ZNF536: variants seen among roughly 807,000 people sequenced by gnomAD.
ZNF536 encodes zinc finger protein 536.
Under a neutral mutation model 84.5 loss-of-function variants are expected in ZNF536, and 13 were observed. The observed-to-expected ratio is 0.15, with a 90% CI of 0.10 to 0.24. ZNF536 has a LOEUF of 0.24. ZNF536 is among the 10% of genes least tolerant of loss of function. The probability of loss-of-function intolerance (pLI) is 1.00; values close to 1 mark genes in which losing one functional copy is unlikely to be tolerated. For synonymous variants in ZNF536, 811 were observed against 742.5 expected (o/e 1.09, Z -1.50); for missense variants, 1,536 against 1,747.5 (o/e 0.88, Z 2.16).
At chr19:30,256,511 A>G (rs998804247) in intron 1 of ZNF536, among the ~76,000 whole-genome samples, 1 of 152,264 alleles carries the variant, frequency 6.6e-6, no homozygotes, top group African/African-American at 2.4e-5. Flanking sequence ...TCTAATTTAC[A>G]TGATTACCAA....
At chr19:30,459,278 G>A (rs1007246468) in intron 2 of ZNF536, among the ~76,000 whole-genome samples, 5 of 147,940 alleles carry the variant, frequency 3.4e-5, no homozygotes, top group African/African-American at 1.2e-4. Flanking sequence ...TTTCATTTGG[G>A]TACATCTTTC....
In ZNF536 at chr19:30,228,791, G is replaced by GGGCGGCTT. The variant is rs1340547731; in HGVS notation, c.-190+124_-190+125insTTGGCGGC. 1 of 151,056 alleles carries GGGCGGCTT rather than the reference G, an allele frequency of 6.6e-6. No homozygotes were observed. The highest frequency in any genetic ancestry group is 1.5e-5 in the Non-Finnish European group (1 of 67,714). 9.4% of individuals were successfully genotyped at this position (151,056 alleles called of 1,614,324 possible). ...CTCGCGTGTGGGCGGCTGGGCGGCTGGGCGGCGGGAGGACGGCCTCCGCGG... is the reference window on the plus strand; with the variant it reads ...CTCGCGTGTGGGCGGCTGGGCGGCTGGGCGGCTTGGCGGCGGGAGGACGGCCTCCGCGG... On this transcript the variant is annotated intron_variant, in intron 1 of 5. Transcript: ENST00000585628. This position sits in a 1 kb window ranked among gnomAD's most constrained non-coding sequence, Gnocchi z 4.5.
At chr19:30,262,588 T>C (rs2025285279) in intron 1 of ZNF536, among the ~76,000 whole-genome samples, 1 of 152,154 alleles carries the variant, frequency 6.6e-6, no homozygotes, top group African/African-American at 2.4e-5. Flanking sequence ...TCATCCGTGG[T>C]TGGAGGCTTG....
intron 2 of ZNF536, among the ~76,000 whole-genome samples, chr19:30,341,507 C>G (rs1047408732): frequency 6.6e-6 from 1 of 152,180 alleles, no homozygotes; most frequent in Admixed American, 6.5e-5. Context: ...CTTCTCCTCT[C>G]GTGATTGATA....
chr19:30,323,049 G>A (rs549882918), intron 2 of ZNF536, among the ~76,000 whole-genome samples: 1 of 152,266 alleles, frequency 6.6e-6, no homozygotes, highest in South Asian at 2.1e-4. Context: ...CTGGGGCCCT[G>A]GAGGCTCCCA....
chr19:30,497,391 A>G (rs1419796505), intron 2 of ZNF536, among the ~76,000 whole-genome samples: 20 of 152,178 alleles, frequency 1.3e-4, no homozygotes, highest in Admixed American at 1.2e-3. Context: ...TCCAGTGTAG[A>G]TGAGAAAGGG....
chr19:30,281,580 TG>T (rs35597649), intron 1 of ZNF536, among the ~76,000 whole-genome samples: 4,164 of 152,250 alleles, frequency 0.027, 92 homozygotes, highest in Non-Finnish European at 0.037. Context: ...CCACAGGTGC[TG>T]GGAAGGGAGT....
At chr19:30,674,241 C>T (rs952397747) in intron 1 of ZNF536, among the ~76,000 whole-genome samples, 7 of 152,304 alleles carry the variant, frequency 4.6e-5, no homozygotes, top group South Asian at 2.1e-4. Flanking sequence ...CCTTAAGGCA[C>T]GTAGGCATCA....
intron 2 of ZNF536, among the ~76,000 whole-genome samples, chr19:30,481,738 T>C (rs2054097197): frequency 6.6e-6 from 1 of 152,156 alleles, no homozygotes; most frequent in Non-Finnish European, 1.5e-5. Context: ...GTAAGTTGTT[T>C]AGTGGTGATT....
Position 30,413,276 on chromosome 19 carries a change from AC to A in ZNF536, c.-2-30279del, listed in dbSNP as rs766853800. Among the ~76,000 whole-genome samples the A allele has an allele frequency of 1.7e-4, 26 of 151,316 alleles. No homozygotes were observed. The East Asian group carries it at 1.9e-3, about 11-fold the overall frequency. ...TACTTTCATCAGGTGTATTTTTATT[AC>A]CCCCCTCCCTAGTTTATGGAATTGA... On this transcript the variant is annotated intron_variant, in intron 1 of 4. Transcript: ENST00000355537.
rs139989586 is a variant in ZNF536 at position 30,443,854 on chromosome 19, G to C, written c.292G>C (p.Gly98Arg). The C allele has an allele frequency of 6.2e-7, 1 of 1,613,506 alleles. No individual in the cohort carries two copies. The highest frequency in any genetic ancestry group is 1.1e-5 in the South Asian group (1 of 91,070). Residue 98 changes from glycine (G) to arginine (R), a missense_variant, in exon 2 of 5, where the codon GGG becomes CGG. By Grantham distance (125) the Gly-to-Arg change is moderately radical. Around this residue, in one of 8 missense-constraint regions of ZNF536, gnomAD observed 161 missense variants for 178.5 expected, o/e 0.90. Transcript: ENST00000355537. Reference protein sequence around the residue: ...LGREVDTSLNGRVDLQQFLNG... With the variant: ...LGREVDTSLNRRVDLQQFLNG... The stretch of plus-strand genomic sequence containing the variant: ...CCGGGAGGTGGACACCAGCCTCAAC[G>C]GGAGGGTGGACTTGCAGCAGTTCCT...
intron 2 of ZNF536, among the ~76,000 whole-genome samples, chr19:30,518,874 A>C (rs928551358): frequency 1.3e-5 from 2 of 152,050 alleles, no homozygotes; most frequent in Non-Finnish European, 2.9e-5. Flanking sequence ...ATGGGGGTGC[A>C]GGGATGGGGG....
chr19:30,545,983 G>C (rs1418973623), intron 3 of ZNF536, among the ~76,000 whole-genome samples: 1 of 152,184 alleles, frequency 6.6e-6, no homozygotes, highest in Non-Finnish European at 1.5e-5. Flanking sequence ...TGGCCCTCCC[G>C]CAGGGCTTGC....
intron 2 of ZNF536, among the ~76,000 whole-genome samples, chr19:30,458,455 T>TTG (rs1568451903): frequency 2.1e-5 from 3 of 144,752 alleles, no homozygotes; most frequent in Non-Finnish European, 3.0e-5. Flanking sequence ...CTGTTTTTTT[T>TTG]TTTTTTTTTT....
At chr19:30,572,778 G>A (rs1013273929) in intron 1 of ZNF536, among the ~76,000 whole-genome samples, 8 of 152,170 alleles carry the variant, frequency 5.3e-5, no homozygotes, top group African/African-American at 1.2e-4. Context: ...CACATGAGAA[G>A]GTCAGGATTC....
Position 30,547,981 on chromosome 19 carries a change from G to C in ZNF536, c.2362G>C (p.Gly788Arg). Residue 788 changes from glycine to arginine, a missense_variant, in exon 4 of 5, where the codon GGC (glycine) becomes CGC (arginine). Coordinates refer to ENST00000355537, the MANE Select transcript of ZNF536 (RefSeq NM_014717.3). ...PYKCPHCDYA[G>R]TQSASLKYHL... ...CAAGTGTCCGCACTGTGACTATGCC[G>C]GCACGCAGTCAGCATCCTTAAAATA... 1 of 1,593,538 alleles carries C rather than the reference G, an allele frequency of 6.3e-7. No individual in the cohort carries two copies. The highest frequency in any genetic ancestry group is 8.5e-7 in the Non-Finnish European group (1 of 1,169,608).
At chr19:30,651,384 G>A (rs961001554) in intron 1 of ZNF536, among the ~76,000 whole-genome samples, 7 of 152,352 alleles carry the variant, frequency 4.6e-5, no homozygotes, top group Admixed American at 3.3e-4. Context: ...TTACCCAGCT[G>A]CTATTCTTCC....
chr19:30,469,776 G>T (rs1167844476), intron 2 of ZNF536, among the ~76,000 whole-genome samples: 1 of 151,984 alleles, frequency 6.6e-6, no homozygotes, highest in Non-Finnish European at 1.5e-5. Context: ...ATAGGAGAGG[G>T]CACCTCAGAG....
intron 1 of ZNF536, among the ~76,000 whole-genome samples, chr19:30,383,356 T>C (rs186345995): frequency 1.1e-4 from 16 of 152,268 alleles, no homozygotes; most frequent in Admixed American, 1.0e-3. Context: ...ATGCCTCCTG[T>C]ATCCAGGAAG....
Sources: allele counts gnomAD v4.1 joint callset (sites outside exome capture counted in the v4.1 genomes callset), GRCh38; gene constraint gnomAD v4.1.1; regional missense constraint gnomAD v4.1.1; non-coding constraint Gnocchi (gnomAD v3.1); transcripts MANE v1.5; gene names NCBI Gene and HGNC (gene_info 2026-07-23, HGNC 2026-07-21).